PDZRN4: variants seen among roughly 807,000 people sequenced by gnomAD.
The protein encoded by PDZRN4 is PDZ domain containing ring finger 4.
Under a neutral mutation model 99.0 loss-of-function variants are expected in PDZRN4, and 70 were observed. That is an observed-to-expected ratio of 0.71 (90% CI 0.58 to 0.86). The LOEUF (loss-of-function observed/expected upper bound fraction) is 0.86. Ranked by LOEUF, PDZRN4 falls within the 40% of genes least tolerant of loss-of-function variation. The pLI is 0.00. For synonymous variants in PDZRN4, 551 were observed against 501.6 expected (o/e 1.10, Z -1.32); for missense variants, 1,474 against 1,331.2 (o/e 1.11, Z -1.67).
At chr12:41,386,432 C>G (rs1220708774) in intron 3 of PDZRN4, among the ~76,000 whole-genome samples, 1 of 152,102 alleles carries the variant, frequency 6.6e-6, no homozygotes, top group African/African-American at 2.4e-5. Flanking sequence ...TGAAAGATCT[C>G]TACAATGAGA....
intron 3 of PDZRN4, among the ~76,000 whole-genome samples, chr12:41,355,856 C>T (rs1449504698): frequency 6.6e-6 from 1 of 151,944 alleles, no homozygotes; most frequent in East Asian, 1.9e-4. Context: ...TTTTTTGGTG[C>T]TTGACAAATG....
At position 41,552,321 on chromosome 12, in the gene PDZRN4, AATT is replaced by A. The variant is rs1939072261; in HGVS notation, c.1204-331_1204-329del. 3.9e-5 allele frequency among the ~76,000 whole-genome samples: 6 copies of A among 152,138 alleles called. No individual in the cohort carries two copies. The South Asian group carries it at 1.2e-3, about 32-fold the overall frequency. On this transcript the variant is annotated intron_variant, in intron 5 of 9. Coordinates refer to ENST00000402685, the MANE Select transcript of PDZRN4 (RefSeq NM_001164595.2). ...TTTTGCCACTAACTTTGACATTCTC[AATT>A]ATTTTATTGATTCCAGTGTATTCAT...
chr12:41,251,178 C>T (rs1271435334), intron 3 of PDZRN4, among the ~76,000 whole-genome samples: 2 of 152,136 alleles, frequency 1.3e-5, no homozygotes, highest in Non-Finnish European at 2.9e-5. Flanking sequence ...AAAGTTTGCT[C>T]AACTTCAATT....
Position 41,574,089 on chromosome 12 carries a change from C to T in PDZRN4, c.*199C>T. On this transcript the variant is annotated 3_prime_UTR_variant, in exon 10 of 10. Transcript: ENST00000402685. ...TACCTTCTTTTTGGCTGAGATCTTT[C>T]TTTTACTTGTGATATATTCATATTA... The T allele has an allele frequency of 2.5e-6, 1 of 394,866 alleles. No homozygotes were observed. The highest frequency in any genetic ancestry group is 3.6e-5 in the East Asian group (1 of 27,440). 24.5% of individuals were successfully genotyped at this position (394,866 alleles called of 1,614,324 possible). A position where few individuals can be genotyped will look rare whatever the true frequency, so the allele number is the denominator to read the frequency against.
At chr12:41,236,718 A>T (rs1230518180) in intron 3 of PDZRN4, among the ~76,000 whole-genome samples, 1 of 152,096 alleles carries the variant, frequency 6.6e-6, no homozygotes, top group Non-Finnish European at 1.5e-5. Context: ...TTTTGCCAAT[A>T]TGGCAAGTGA....
At chr12:41,222,048 T>G (rs751266186) in intron 3 of PDZRN4, among the ~76,000 whole-genome samples, 2 of 152,152 alleles carry the variant, frequency 1.3e-5, no homozygotes, top group African/African-American at 2.4e-5. Context: ...GCTCACAAAT[T>G]ATTCCTTCAC....
At chr12:41,203,838 A>T (rs1950832130) in intron 3 of PDZRN4, among the ~76,000 whole-genome samples, 1 of 152,000 alleles carries the variant, frequency 6.6e-6, no homozygotes, top group African/African-American at 2.4e-5. Context: ...TGTTTGTCTA[A>T]GGAGTTTGCT....
At chr12:41,228,583 T>C (rs555895367) in intron 3 of PDZRN4, among the ~76,000 whole-genome samples, 59 of 152,264 alleles carry the variant, frequency 3.9e-4, no homozygotes, top group African/African-American at 1.4e-3. Flanking sequence ...CAGGAGAATG[T>C]TATCATCTTC....
chr12:41,443,188 A>G (rs1307451018), intron 3 of PDZRN4, among the ~76,000 whole-genome samples: 1 of 152,114 alleles, frequency 6.6e-6, no homozygotes, highest in Non-Finnish European at 1.5e-5. Flanking sequence ...ATAAACAGAG[A>G]ATGTTCAATT....
rs769835895 is a variant in PDZRN4 at position 41,188,419 on chromosome 12, C to T, written c.-37C>T. On this transcript the variant is annotated 5_prime_UTR_variant, in exon 1 of 10. Coordinates refer to ENST00000402685, the MANE Select transcript of PDZRN4 (RefSeq NM_001164595.2). The stretch of plus-strand genomic sequence containing the variant: ...GGCAGGGGGGCTCGGAGAAGACGGA[C>T]TCTGCTTTCGCTCCCCCTTTCTTCC... 18 of 1,508,754 alleles carry T rather than the reference C, an allele frequency of 1.2e-5. No homozygotes were observed. The highest frequency in any genetic ancestry group is 1.8e-4 in the Middle Eastern group (1 of 5,674). The allele number at this position is 1,508,754 out of a possible 1,614,324, so 93.5% of individuals were successfully genotyped here.
At chr12:41,509,128 T>G (rs1266384311) in intron 4 of PDZRN4, among the ~76,000 whole-genome samples, 1 of 152,176 alleles carries the variant, frequency 6.6e-6, no homozygotes, top group Non-Finnish European at 1.5e-5. Context: ...ATTTCCTTAA[T>G]GTAATCTGCT....
intron 3 of PDZRN4, among the ~76,000 whole-genome samples, chr12:41,446,106 C>T (rs772436595): frequency 3.9e-5 from 6 of 152,004 alleles, no homozygotes; most frequent in Non-Finnish European, 4.4e-5. Context: ...TCCTGTATTT[C>T]GACATGTAAC....
At chr12:41,299,775 A>G (rs1320993873) in intron 3 of PDZRN4, among the ~76,000 whole-genome samples, 1 of 152,050 alleles carries the variant, frequency 6.6e-6, no homozygotes, top group Non-Finnish European at 1.5e-5. Flanking sequence ...GAACAGACTC[A>G]GCAATTTCAG....
intron 3 of PDZRN4, among the ~76,000 whole-genome samples, chr12:41,436,007 T>C (rs573438575): frequency 6.6e-6 from 1 of 152,296 alleles, no homozygotes; most frequent in Non-Finnish European, 1.5e-5. Context: ...CAGTTGCACC[T>C]GAGAAGAAGG....
intron 5 of PDZRN4, among the ~76,000 whole-genome samples, chr12:41,514,031 T>C (rs1938353625): frequency 6.6e-6 from 1 of 152,034 alleles, no homozygotes; most frequent in Non-Finnish European, 1.5e-5. Context: ...CAAAGAAACA[T>C]ATACAAAAGG....
At chr12:41,408,012 A>G (rs1175417862) in intron 3 of PDZRN4, among the ~76,000 whole-genome samples, 1 of 152,254 alleles carries the variant, frequency 6.6e-6, no homozygotes, top group African/African-American at 2.4e-5. Flanking sequence ...TTAACATACA[A>G]TTAGTTTTTA....
intron 3 of PDZRN4, among the ~76,000 whole-genome samples, chr12:41,328,825 G>A (rs1440326976): frequency 6.6e-6 from 1 of 152,098 alleles, no homozygotes; most frequent in Non-Finnish European, 1.5e-5. Flanking sequence ...AAGCATAGTT[G>A]AGTGGACTTT....
At chr12:41,210,090 A>G (rs1390503953) in intron 3 of PDZRN4, among the ~76,000 whole-genome samples, 2 of 152,066 alleles carry the variant, frequency 1.3e-5, no homozygotes, top group East Asian at 1.9e-4. Flanking sequence ...CATTTCTCTG[A>G]TGGCCAGTGA....
At chr12:41,379,048 C>A (rs1363786435) in intron 3 of PDZRN4, among the ~76,000 whole-genome samples, 1 of 151,948 alleles carries the variant, frequency 6.6e-6, no homozygotes, top group Non-Finnish European at 1.5e-5. Flanking sequence ...AATTAAATTT[C>A]TTTATTCATC....
Sources: gnomAD v4.1 joint callset for allele counts (sites outside exome capture counted in the v4.1 genomes callset) on GRCh38, gnomAD v4.1.1 for gene constraint, MANE v1.5 for transcripts, NCBI Gene and HGNC (gene_info 2026-07-23, HGNC 2026-07-21) for gene names.